Variants in ATP9A observed in about 807,000 individuals in gnomAD.
The protein encoded by ATP9A is probable phospholipid-transporting ATPase IIA.
A neutral mutation model predicts 144.1 loss-of-function variants in ATP9A; 52 were observed. The observed-to-expected ratio is 0.36, with a 90% CI of 0.29 to 0.45. The LOEUF is 0.45. Ranked by LOEUF, ATP9A falls within the 20% of genes least tolerant of loss-of-function variation. ATP9A has a pLI of 1.00. For synonymous variants in ATP9A, 582 were observed against 557.4 expected, an observed-to-expected ratio of 1.04 and a Z score of -0.62; for missense variants, 947 against 1,392.7, an observed-to-expected ratio of 0.68 and a Z score of 5.09.
At chr20:51,729,522 A>G (rs1261659009) in intron 2 of ATP9A, among the ~76,000 whole-genome samples, 5 of 152,150 alleles carry the variant, frequency 3.3e-5, no homozygotes, top group African/African-American at 9.7e-5. Flanking sequence ...AAGTGGGTGG[A>G]TCACCTGATG....
At chr20:51,659,622 C>T (rs1354542097) in intron 13 of ATP9A, among the ~76,000 whole-genome samples, 3 of 152,170 alleles carry the variant, frequency 2.0e-5, no homozygotes, top group Non-Finnish European at 4.4e-5. Flanking sequence ...CCAGATTCTA[C>T]ATTCTATTAA....
In ATP9A at chr20:51,679,629, C is replaced by T. The variant is rs75159429; in HGVS notation, c.800-3421G>A. Among the ~76,000 whole-genome samples, 93 of 152,308 alleles carry T rather than the reference C, an allele frequency of 6.1e-4. No individual in the cohort carries two copies. In the East Asian group the frequency reaches 0.015, roughly 24 times the overall value. ...TCAAGGTTCTCTTCACTCCCACCCT[C>T]TGCAGCCTGCAGGCCACGCAGCCCT... On this transcript the variant is annotated intron_variant, in intron 9 of 27. Transcript: ENST00000338821.
intron 13 of ATP9A, among the ~76,000 whole-genome samples, chr20:51,662,272 G>A (rs114460975): frequency 0.022 from 3,402 of 152,310 alleles, 134 homozygotes; most frequent in African/African-American, 0.077. Context: ...ACTGCGCCAG[G>A]TGTGGTGGCT....
At chr20:51,762,125 G>C (rs1246832192) in intron 1 of ATP9A, among the ~76,000 whole-genome samples, 1 of 152,146 alleles carries the variant, frequency 6.6e-6, no homozygotes, top group African/African-American at 2.4e-5. Context: ...AGCATTTTGG[G>C]AGGCCAAGGT....
At chr20:51,603,420 T>C (rs950524507) in intron 27 of ATP9A, among the ~76,000 whole-genome samples, 5 of 152,206 alleles carry the variant, frequency 3.3e-5, no homozygotes, top group Admixed American at 6.5e-5. Context: ...CTGGATCATC[T>C]GAACCGTGCC....
At chr20:51,742,798 A>C (rs941223486) in intron 1 of ATP9A, among the ~76,000 whole-genome samples, 1 of 152,192 alleles carries the variant, frequency 6.6e-6, no homozygotes, top group Non-Finnish European at 1.5e-5. Flanking sequence ...TAGAGGCATG[A>C]GCCGCCGCAC....
intron 9 of ATP9A, among the ~76,000 whole-genome samples, chr20:51,678,443 C>T (rs890475737): frequency 5.3e-5 from 8 of 152,178 alleles, no homozygotes; most frequent in East Asian, 1.9e-4. Flanking sequence ...TAGGAGGAGG[C>T]GCTGAAGTCC....
At chr20:51,681,427 C>CTTTTTTTTTTTTTT (rs66579534) in intron 9 of ATP9A, among the ~76,000 whole-genome samples, 1 of 131,636 alleles carries the variant, frequency 7.6e-6, no homozygotes, top group African/African-American at 2.9e-5. Flanking sequence ...TCCTAAATTT[C>CTTTTTTTTTTTTTT]TTTTTTTTTT....
intron 25 of ATP9A, among the ~76,000 whole-genome samples, chr20:51,608,043 C>CAA (rs11482003): frequency 0.042 from 4,894 of 116,288 alleles, 122 homozygotes; most frequent in Non-Finnish European, 0.061. Flanking sequence ...GAATTAGTCT[C>CAA]AAAAAAAAAA....
intron 9 of ATP9A, among the ~76,000 whole-genome samples, chr20:51,685,889 T>C (rs1253157186): frequency 2.6e-5 from 4 of 152,182 alleles, no homozygotes; most frequent in Admixed American, 6.6e-5. Flanking sequence ...GGATTATAAA[T>C]CATGCTGCTA....
intron 14 of ATP9A, among the ~76,000 whole-genome samples, chr20:51,640,869 C>T (rs942428511): frequency 2.0e-5 from 3 of 152,172 alleles, no homozygotes; most frequent in Non-Finnish European, 4.4e-5. Flanking sequence ...GTGGATGGAG[C>T]TTCCAGTTTC....
At position 51,675,897 on chromosome 20, in the gene ATP9A, A is replaced by G. The variant is rs558899577; in HGVS notation, c.876+235T>C. ...CCTGTCTCAAAAAAAGAAAAAAAAA[A>G]AAAAGGCACAAAAAAGTCATATATC... On this transcript the variant is annotated intron_variant, in intron 10 of 27. Coordinates refer to ENST00000338821, the MANE Select transcript of ATP9A (RefSeq NM_006045.3). Among the ~76,000 whole-genome samples the G allele has an allele frequency of 2.6e-5, 4 of 152,040 alleles. No individual in the cohort carries two copies. The South Asian group carries it at 8.3e-4, about 32-fold the overall frequency.
intron 1 of ATP9A, among the ~76,000 whole-genome samples, chr20:51,747,717 G>A (rs753174538): frequency 1.6e-4 from 25 of 152,056 alleles, no homozygotes; most frequent in Non-Finnish European, 2.1e-4. Context: ...CTTCCCTGTG[G>A]GTATTCTGCT....
At chr20:51,754,506 GA>G (rs1485635929) in intron 1 of ATP9A, among the ~76,000 whole-genome samples, 2 of 151,488 alleles carry the variant, frequency 1.3e-5, no homozygotes, top group African/African-American at 2.4e-5. Context: ...TCCATCTCGG[GA>G]AAAAAAGAAG....
At chr20:51,725,744 C>G in intron 3 of ATP9A, 75 bp downstream of exon 3, 1 of 1,047,030 alleles carries the variant, frequency 9.6e-7, no homozygotes, top group Non-Finnish European at 1.5e-6. Context: ...TTCCAGATGC[C>G]TAAGTGAGAG....
chr20:51,647,491 C>A (rs1178074531), intron 14 of ATP9A, among the ~76,000 whole-genome samples: 1 of 152,156 alleles, frequency 6.6e-6, no homozygotes, highest in Non-Finnish European at 1.5e-5. Context: ...GCGGAGGTTG[C>A]AGTGAGCTGA....
intron 14 of ATP9A, among the ~76,000 whole-genome samples, chr20:51,647,510 C>A (rs2077346770): frequency 6.6e-6 from 1 of 152,130 alleles, no homozygotes. Context: ...GAGATTGTGG[C>A]ACTGTACTCC....
chr20:51,610,743 A>C (rs1187054603), intron 23 of ATP9A, among the ~76,000 whole-genome samples: 1 of 152,164 alleles, frequency 6.6e-6, no homozygotes, highest in Non-Finnish European at 1.5e-5. Context: ...GTAGGTATGG[A>C]AACACATACA....
chr20:51,644,912 T>G (rs1245175202), intron 14 of ATP9A, among the ~76,000 whole-genome samples: 1 of 152,210 alleles, frequency 6.6e-6, no homozygotes, highest in Non-Finnish European at 1.5e-5. Context: ...CCCAAAAGCC[T>G]GCTTTTAACT....
Sources: gnomAD v4.1 joint callset for allele counts (sites outside exome capture counted in the v4.1 genomes callset) on GRCh38, gnomAD v4.1.1 for gene constraint, MANE v1.5 for transcripts, NCBI Gene and HGNC (gene_info 2026-07-23, HGNC 2026-07-21) for gene names.